ZFYVE28: variants seen among roughly 807,000 people sequenced by gnomAD.
The protein encoded by ZFYVE28 is zinc finger FYVE-type containing 28.
ZFYVE28 carries 40 observed loss-of-function variants against 82.1 expected under a neutral mutation model. The ratio of observed to expected loss-of-function variants is 0.49; its 90% CI spans 0.38 to 0.63. The LOEUF (loss-of-function observed/expected upper bound fraction) is 0.63. Ranked by LOEUF, ZFYVE28 falls within the 30% of genes least tolerant of loss-of-function variation. ZFYVE28 has a pLI of 0.00. For missense variants in ZFYVE28, 1,321 were observed against 1,242.1 expected (o/e 1.06, Z -0.96); for synonymous variants, 612 against 546.1 (o/e 1.12, Z -1.68).
At chr4:2,337,638 T>C (rs1164868157) in intron 4 of ZFYVE28, 142 bp from the exon 5 acceptor site, 11 of 615,250 alleles carry the variant, frequency 1.8e-5, no homozygotes, top group African/African-American at 1.9e-5. Flanking sequence ...TCCCAGCACG[T>C]TGGGAGTCTG....
intron 1 of ZFYVE28, among the ~76,000 whole-genome samples, chr4:2,399,078 GC>G (rs1730852762): frequency 8.6e-5 from 10 of 116,896 alleles, no homozygotes; most frequent in South Asian, 3.1e-4. Flanking sequence ...CAGGGCACAA[GC>G]GTGAAGGTGA....
At chr4:2,303,603 C>G (rs1715964132) in intron 8 of ZFYVE28, among the ~76,000 whole-genome samples, 1 of 152,190 alleles carries the variant, frequency 6.6e-6, no homozygotes, top group Non-Finnish European at 1.5e-5. Context: ...CTGGGCCCAG[C>G]CCCTGCCTTT....
chr4:2,311,324 G>C (rs1028479702), intron 7 of ZFYVE28, among the ~76,000 whole-genome samples: 1 of 152,132 alleles, frequency 6.6e-6, no homozygotes, highest in Non-Finnish European at 1.5e-5. Context: ...AGGAGTTCGA[G>C]ACCAGCCTGG....
chr4:2,418,165 T>G lies in ZFYVE28; in HGVS notation c.39+120A>C. 20 of 838,286 alleles carry G rather than the reference T, an allele frequency of 2.4e-5. No homozygotes were observed. Among genetic ancestry groups the G allele is most frequent in the Non-Finnish European group, 3.1e-5 (18 of 585,742 alleles). The allele number at this position is 838,286 out of a possible 1,614,324, so 51.9% of individuals were successfully genotyped here. ...GGAGTGGAGGGAAGGATGTCGGCGG[T>G]GGGGGAAGAGGCCGGCCACGGACAG... On this transcript the variant is annotated intron_variant, in intron 1 of 12. Transcript: ENST00000290974. This position sits in a 1 kb window ranked among gnomAD's most constrained non-coding sequence, Gnocchi z 4.6.
At chr4:2,349,250 G>A (rs969195639) in intron 2 of ZFYVE28, among the ~76,000 whole-genome samples, 2 of 151,678 alleles carry the variant, frequency 1.3e-5, no homozygotes, top group African/African-American at 4.8e-5. Context: ...AAAAGAGTAA[G>A]TCACACTATT....
At chr4:2,331,440 G>A (rs952822688) in intron 6 of ZFYVE28, among the ~76,000 whole-genome samples, 4 of 151,770 alleles carry the variant, frequency 2.6e-5, no homozygotes, top group South Asian at 2.1e-4. Flanking sequence ...CCGGGAACTC[G>A]AGACCAGCCT....
At chr4:2,281,159 G>GC (rs1711911405) in intron 8 of ZFYVE28, among the ~76,000 whole-genome samples, 1 of 152,206 alleles carries the variant, frequency 6.6e-6, no homozygotes. Context: ...GAGCCAAGGG[G>GC]CCCCATACAG....
chr4:2,318,382 A>T (rs1236173740), intron 7 of ZFYVE28, among the ~76,000 whole-genome samples: 2 of 152,054 alleles, frequency 1.3e-5, no homozygotes, highest in African/African-American at 2.4e-5. Context: ...GCATGGTGAA[A>T]CCCCGTCTCT....
chr4:2,278,928 TTC>T (rs1491292869), intron 8 of ZFYVE28, among the ~76,000 whole-genome samples: 3 of 72,358 alleles, frequency 4.1e-5, no homozygotes, highest in Admixed American at 1.4e-4. Context: ...GATTAGAATG[TTC>T]CCCCCCCCCT....
Position 2,320,064 on chromosome 4 carries a change from C to T in ZFYVE28, c.803+106G>A, listed in dbSNP as rs572651641. On this transcript the variant is annotated intron_variant, in intron 7 of 12. Transcript: ENST00000290974. This position sits in a 1 kb window ranked among gnomAD's most constrained non-coding sequence, Gnocchi z 5.1. The stretch of plus-strand genomic sequence containing the variant: ...ATATTAACCAGCCCATCCTTCCTCA[C>T]AGAGAGGAGGAGGACCTGGAGGCGG... 2.9e-6 allele frequency: 3 copies of T among 1,046,268 alleles called. No homozygotes were observed. The highest frequency in any genetic ancestry group is 4.3e-6 in the Non-Finnish European group (3 of 695,654). The allele number at this position is 1,046,268 out of a possible 1,614,324, so 64.8% of individuals were successfully genotyped here.
chr4:2,340,677 A>G (rs1024301475), intron 3 of ZFYVE28, among the ~76,000 whole-genome samples: 3 of 152,184 alleles, frequency 2.0e-5, no homozygotes, highest in African/African-American at 7.2e-5. Flanking sequence ...TGACTGCCCC[A>G]GGACCCACTC....
At chr4:2,384,467 A>G (rs1729044258) in intron 1 of ZFYVE28, among the ~76,000 whole-genome samples, 1 of 152,224 alleles carries the variant, frequency 6.6e-6, no homozygotes, top group Non-Finnish European at 1.5e-5. Flanking sequence ...GAGGGGGCAC[A>G]GGCAGGCCAC....
At chr4:2,404,855 CTCTT>C (rs1356811377) in intron 1 of ZFYVE28, among the ~76,000 whole-genome samples, 1 of 64,792 alleles carries the variant, frequency 1.5e-5, no homozygotes, top group Non-Finnish European at 3.0e-5. Context: ...CTCAGTCTCG[CTCTT>C]TTTTTTTTTT....
intron 2 of ZFYVE28, among the ~76,000 whole-genome samples, chr4:2,346,290 C>T (rs1186700475): frequency 6.7e-6 from 1 of 148,476 alleles, no homozygotes; most frequent in East Asian, 2.0e-4. Context: ...AGCAGTGAGC[C>T]GAGATCGCGC....
intron 1 of ZFYVE28, among the ~76,000 whole-genome samples, chr4:2,405,725 C>T (rs751453967): frequency 8.5e-5 from 13 of 152,210 alleles, no homozygotes; most frequent in Admixed American, 1.3e-4. Context: ...CACTGTCCCT[C>T]GGGTTCTCTT....
chr4:2,355,190 G>C (rs1173750367), intron 1 of ZFYVE28, among the ~76,000 whole-genome samples: 2 of 95,786 alleles, frequency 2.1e-5, no homozygotes, highest in Non-Finnish European at 3.9e-5. Context: ...AAGTGATGAA[G>C]TCCTTGAAAA....
At chr4:2,407,561 G>A (rs970537649) in intron 1 of ZFYVE28, among the ~76,000 whole-genome samples, 4 of 151,992 alleles carry the variant, frequency 2.6e-5, no homozygotes, top group African/African-American at 9.7e-5. Flanking sequence ...CCCTGTTTTC[G>A]CTCCTGAAGT....
intron 3 of ZFYVE28, among the ~76,000 whole-genome samples, chr4:2,340,333 T>C (rs1443032526): frequency 1.3e-5 from 2 of 152,160 alleles, no homozygotes; most frequent in Non-Finnish European, 2.9e-5. Context: ...CAGCGTGCGC[T>C]CAGCAACTGG....
At chr4:2,302,947 G>A (rs931063082) in intron 8 of ZFYVE28, among the ~76,000 whole-genome samples, 65 of 152,332 alleles carry the variant, frequency 4.3e-4, no homozygotes, top group African/African-American at 1.3e-3. Context: ...TTCAAAACGC[G>A]GAGGACGGTT....
Sources: allele counts gnomAD v4.1 joint callset (sites outside exome capture counted in the v4.1 genomes callset), GRCh38; gene constraint gnomAD v4.1.1; non-coding constraint Gnocchi (gnomAD v3.1); transcripts MANE v1.5; gene names NCBI Gene and HGNC (gene_info 2026-07-23, HGNC 2026-07-21).